Variants in YAP1 observed in about 807,000 individuals in gnomAD.
The protein encoded by YAP1 is Yes1 associated transcriptional regulator.
YAP1 carries 5 observed loss-of-function variants against 56.9 expected under a neutral mutation model. That is an observed-to-expected ratio of 0.09 (90% CI 0.05 to 0.18). The LOEUF is 0.18. YAP1 is among the 10% of genes least tolerant of loss of function. The pLI is 1.00. For missense variants in YAP1, 539 were observed against 651.8 expected (o/e 0.83, Z 1.88); for synonymous variants, 265 against 248.1 (o/e 1.07, Z -0.64).
At chr11:102,206,145 T>C in intron 5 of YAP1, 71 bp downstream of exon 5, 1 of 1,537,344 alleles carries the variant, frequency 6.5e-7, no homozygotes, top group Non-Finnish European at 8.8e-7. Flanking sequence ...GCAGATTTCA[T>C]TTTAACATTT....
intron 3 of YAP1, among the ~76,000 whole-genome samples, chr11:102,176,389 G>T (rs574422658): frequency 5.3e-5 from 8 of 152,176 alleles, no homozygotes; most frequent in African/African-American, 1.9e-4. Flanking sequence ...AAATTTATAG[G>T]TGGGGAAGAG....
At chr11:102,227,320 A>AG in intron 7 of YAP1, 149 bp from the exon 8 acceptor site, 1 of 624,048 alleles carries the variant, frequency 1.6e-6, no homozygotes, top group South Asian at 1.9e-5. Context: ...TATGGCCCTG[A>AG]GGGAGGGTGC....
At chr11:102,175,395 G>A (rs575417955) in intron 3 of YAP1, among the ~76,000 whole-genome samples, 22 of 151,816 alleles carry the variant, frequency 1.4e-4, no homozygotes, top group Admixed American at 1.1e-3. Flanking sequence ...GCGAGACCTC[G>A]TCTCAAAAAA....
At chr11:102,219,387 T>C (rs1949811719) in intron 6 of YAP1, among the ~76,000 whole-genome samples, 1 of 152,178 alleles carries the variant, frequency 6.6e-6, no homozygotes, top group Admixed American at 6.5e-5. Context: ...ACATGACATG[T>C]CTGTGTCTAA....
intron 6 of YAP1, among the ~76,000 whole-genome samples, chr11:102,215,320 AT>A (rs758689809): frequency 6.6e-6 from 1 of 152,182 alleles, no homozygotes; most frequent in Non-Finnish European, 1.5e-5. Context: ...CCTTAAACAA[AT>A]TGATTACCAC....
chr11:102,226,562 A>G (rs1407415871), intron 7 of YAP1, among the ~76,000 whole-genome samples: 1 of 152,232 alleles, frequency 6.6e-6, no homozygotes, highest in Non-Finnish European at 1.5e-5. Flanking sequence ...AAGATTTTGT[A>G]GAGTTAGTAG....
chr11:102,127,247 T>C (rs958181862), intron 2 of YAP1, among the ~76,000 whole-genome samples: 1 of 152,216 alleles, frequency 6.6e-6, no homozygotes, highest in Non-Finnish European at 1.5e-5. Flanking sequence ...CTCCAGGCCA[T>C]GTCAGAGACT....
chr11:102,175,408 A>C (rs975217574), intron 3 of YAP1, among the ~76,000 whole-genome samples: 2 of 151,954 alleles, frequency 1.3e-5, no homozygotes, highest in Non-Finnish European at 2.9e-5. Flanking sequence ...TCAAAAAAAA[A>C]CTTATTTCTT....
At position 102,232,551 on chromosome 11, in the gene YAP1, G is replaced by A. The variant is rs1369174594; in HGVS notation, c.*2611G>A. ...ACGATGCCCTCTGTACTGACCTGAA[G>A]GAGACCTAAGAGTCCTTTCCCTTTT... is the stretch of plus-strand genomic sequence containing the variant. On this transcript the variant is annotated 3_prime_UTR_variant, in exon 9 of 9. Transcript: ENST00000282441. The A allele has an allele frequency of 6.6e-6, 1 of 152,524 alleles. No homozygotes were observed. The highest frequency in any genetic ancestry group is 1.5e-5 in the Non-Finnish European group (1 of 68,034). 9.4% of individuals were successfully genotyped at this position (152,524 alleles called of 1,614,324 possible).
rs140893492 is a variant in YAP1, at chr11:102,162,691, T to A, written c.688+120T>A. 5 of 924,804 alleles carry A rather than the reference T, an allele frequency of 5.4e-6. No homozygotes were observed. The East Asian group carries it at 1.2e-4, about 23-fold the overall frequency. 57.3% of individuals were successfully genotyped at this position (924,804 alleles called of 1,614,324 possible). A position where few individuals can be genotyped will look rare whatever the true frequency, so the allele number is the denominator to read the frequency against. On this transcript the variant is annotated intron_variant, in intron 3 of 8. Coordinates refer to ENST00000282441, the MANE Select transcript of YAP1 (RefSeq NM_001130145.3). Reference sequence around the variant, plus strand: ...GGGACATGGTGATGTTTATTGTCTCTCCAGTTTCATACAGAAGACATAGTC... The same window carrying A: ...GGGACATGGTGATGTTTATTGTCTCACCAGTTTCATACAGAAGACATAGTC...
chr11:102,151,908 G>T (rs920826921), intron 2 of YAP1, among the ~76,000 whole-genome samples: 4 of 152,152 alleles, frequency 2.6e-5, no homozygotes, highest in Non-Finnish European at 4.4e-5. Flanking sequence ...GGAGGATTGG[G>T]CTACAAGGTT....
intron 3 of YAP1, among the ~76,000 whole-genome samples, chr11:102,172,300 A>AT (rs752185861): frequency 0.033 from 3,608 of 110,848 alleles, 406 homozygotes; most frequent in African/African-American, 0.064. Flanking sequence ...ACAGTGAAGA[A>AT]TTTTTTTTTT....
At chr11:102,144,179 A>G (rs1945187347) in intron 2 of YAP1, among the ~76,000 whole-genome samples, 1 of 152,190 alleles carries the variant, frequency 6.6e-6, no homozygotes, top group Non-Finnish European at 1.5e-5. Context: ...GTTTAATGAA[A>G]AGTGAAAATT....
chr11:102,147,270 A>T (rs1353013612), intron 2 of YAP1, among the ~76,000 whole-genome samples: 4 of 152,306 alleles, frequency 2.6e-5, no homozygotes, highest in South Asian at 2.1e-4. Flanking sequence ...CATTATAGCC[A>T]CATGAGGATT....
At chr11:102,223,060 A>C (rs924504565) in intron 6 of YAP1, among the ~76,000 whole-genome samples, 1 of 149,826 alleles carries the variant, frequency 6.7e-6, no homozygotes, top group African/African-American at 2.5e-5. Flanking sequence ...CCTGGGTAAC[A>C]TGGTGAAACC....
intron 2 of YAP1, among the ~76,000 whole-genome samples, chr11:102,147,721 C>G (rs1040236290): frequency 6.6e-6 from 1 of 152,068 alleles, no homozygotes; most frequent in African/African-American, 2.4e-5. Flanking sequence ...CTTTTTTCTC[C>G]ACCATTTTTT....
At chr11:102,176,178 G>A (rs926198447) in intron 3 of YAP1, among the ~76,000 whole-genome samples, 3 of 152,164 alleles carry the variant, frequency 2.0e-5, no homozygotes, top group African/African-American at 7.2e-5. Flanking sequence ...TCTAATAAAT[G>A]TTGCTATCTT....
intron 3 of YAP1, among the ~76,000 whole-genome samples, chr11:102,185,636 A>G (rs1473720212): frequency 6.6e-6 from 1 of 152,134 alleles, no homozygotes; most frequent in Non-Finnish European, 1.5e-5. Flanking sequence ...TTATTAATGA[A>G]CCTTGGTGTT....
At chr11:102,118,939 T>C (rs1943478176) in intron 2 of YAP1, among the ~76,000 whole-genome samples, 1 of 152,086 alleles carries the variant, frequency 6.6e-6, no homozygotes, top group South Asian at 2.1e-4. Context: ...ACCCAGAGTT[T>C]CCCTTTAAAA....
Sources: allele counts gnomAD v4.1 joint callset (sites outside exome capture counted in the v4.1 genomes callset), GRCh38; gene constraint gnomAD v4.1.1; transcripts MANE v1.5; gene names NCBI Gene and HGNC (gene_info 2026-07-23, HGNC 2026-07-21).